PARPBP: variants seen among roughly 807,000 people sequenced by gnomAD.
The protein encoded by PARPBP is PARP1 binding protein, also known as PCNA-interacting partner.
Under a neutral mutation model 50.0 loss-of-function variants are expected in PARPBP, and 52 were observed. The ratio of observed to expected loss-of-function variants is 1.04; its 90% confidence interval spans 0.83 to 1.31. The LOEUF is 1.31. PARPBP is among the 50% of genes most tolerant of loss of function. The pLI, the probability that PARPBP is intolerant of heterozygous loss-of-function variation, is 0.00. For synonymous variants in PARPBP, 244 were observed against 232.1 expected, an observed-to-expected ratio of 1.05 and a Z score of -0.47; for missense variants, 697 against 672.0, an observed-to-expected ratio of 1.04 and a Z score of -0.41.
intron 6 of PARPBP, among the ~76,000 whole-genome samples, chr12:102,166,570 C>T (rs1275518557): frequency 3.3e-5 from 5 of 152,114 alleles, no homozygotes; most frequent in Non-Finnish European, 7.4e-5. Flanking sequence ...CTCAGATTAT[C>T]ATTTGATCAT....
At chr12:102,177,839 C>T (rs772034929) in intron 7 of PARPBP, among the ~76,000 whole-genome samples, 15 of 152,172 alleles carry the variant, frequency 9.9e-5, no homozygotes, top group Non-Finnish European at 1.9e-4. Flanking sequence ...CACTTCCTCC[C>T]TTTTACCTTA....
At chr12:102,149,959 A>T (rs1007420790) in intron 3 of PARPBP, among the ~76,000 whole-genome samples, 2 of 152,242 alleles carry the variant, frequency 1.3e-5, no homozygotes, top group African/African-American at 4.8e-5. Flanking sequence ...AGGACAACAA[A>T]GATCTTAAAA....
intron 3 of PARPBP, 103 bp from the exon 4 acceptor site, chr12:102,153,766 A>G: frequency 3.1e-6 from 2 of 652,456 alleles, no homozygotes; most frequent in Non-Finnish European, 5.6e-6. Flanking sequence ...CTGTCAGGTA[A>G]TACTCTCAAC....
At chr12:102,170,342 A>G (rs1238590523) in intron 6 of PARPBP, among the ~76,000 whole-genome samples, 3 of 152,252 alleles carry the variant, frequency 2.0e-5, no homozygotes, top group Admixed American at 1.3e-4. Context: ...CAAACATCAT[A>G]GACTGTACAT....
rs1250189607 is a variant in PARPBP at position 102,178,587 on chromosome 12, C to T, written c.1006-5C>T. Reference sequence around the variant, plus strand: ...ACATTTACCTAAAATTATTTTTTGTCTCAGCCAAAATCTCATGCCATAAAC... The same window carrying T: ...ACATTTACCTAAAATTATTTTTTGTTTCAGCCAAAATCTCATGCCATAAAC... On this transcript the variant is annotated splice_region_variant and splice_polypyrimidine_tract_variant and intron_variant, in intron 7 of 10. Coordinates refer to ENST00000327680, the MANE Select transcript of PARPBP (RefSeq NM_017915.5). 1.3e-6 allele frequency: 2 copies of T among 1,552,324 alleles called. No individual in the cohort carries two copies. Among genetic ancestry groups the T allele is most frequent in the Admixed American group, 2.0e-5 (1 of 51,244 alleles).
chr12:102,162,173 T>C (rs1429222371), intron 4 of PARPBP, among the ~76,000 whole-genome samples: 4 of 152,222 alleles, frequency 2.6e-5, no homozygotes, highest in Non-Finnish European at 5.9e-5. Flanking sequence ...GGATTTGTAA[T>C]TTTTTATTGC....
At chr12:102,143,479 C>T (rs1468163702) in intron 2 of PARPBP, among the ~76,000 whole-genome samples, 1 of 152,188 alleles carries the variant, frequency 6.6e-6, no homozygotes. Flanking sequence ...GCTCTGTGCG[C>T]TGCACCCACT....
At chr12:102,156,577 T>A (rs947754236) in intron 4 of PARPBP, among the ~76,000 whole-genome samples, 7 of 152,152 alleles carry the variant, frequency 4.6e-5, no homozygotes, top group Non-Finnish European at 8.8e-5. Flanking sequence ...AGATGAGAAT[T>A]TAAGAGTGTT....
rs1272655752 is a variant in PARPBP, at chr12:102,160,958, A to AT, written c.496-3480_496-3479insT. The stretch of plus-strand genomic sequence containing the variant: ...AGGGAAACATCATCTCAAAAAAAAA[A>AT]AATATATATATAATCAGAAAACTAT... On this transcript the variant is annotated intron_variant, in intron 4 of 10. Coordinates refer to ENST00000327680, the MANE Select transcript of PARPBP (RefSeq NM_017915.5). 7.4e-4 allele frequency among the ~76,000 whole-genome samples: 112 copies of AT among 150,492 alleles called. 1 individual carries two copies. The highest frequency in any genetic ancestry group is 2.4e-3 in the African/African-American group (100 of 41,020).
chr12:102,145,654 A>G lies in PARPBP; in HGVS notation c.154-2576A>G, dbSNP rs530987210. On this transcript the variant is annotated intron_variant, in intron 2 of 10. Transcript: ENST00000327680. ...GGTAACATTAGTGGATCTCTAAGCA[A>G]CTATATGTCACTGTAGCCAGGTTAT... Among the ~76,000 whole-genome samples, 12 of 152,302 alleles carry G rather than the reference A, an allele frequency of 7.9e-5. No individual in the cohort carries two copies. The East Asian group carries it at 2.1e-3, about 27-fold the overall frequency.
At position 102,165,711 on chromosome 12, in the gene PARPBP, G is replaced by GT; in HGVS notation, c.667-15dup. ...ATAAATCACTGGACATAACTTATCC[G>GT]TTTGTTTTAATTCATAGGTGGCCAC... On this transcript the variant is annotated splice_polypyrimidine_tract_variant and intron_variant, in intron 5 of 10. Transcript: ENST00000327680. 1.3e-6 allele frequency: 2 copies of GT among 1,581,982 alleles called. No individual in the cohort carries two copies. The highest frequency in any genetic ancestry group is 1.2e-5 in the South Asian group (1 of 86,492).
At chr12:102,124,348 TA>T (rs1365936250) in intron 2 of PARPBP, among the ~76,000 whole-genome samples, 2 of 152,238 alleles carry the variant, frequency 1.3e-5, no homozygotes, top group Non-Finnish European at 2.9e-5. Flanking sequence ...TTTTATTTAA[TA>T]AGACTTTTTT....
At position 102,148,452 on chromosome 12, in the gene PARPBP, A is replaced by C. The variant is rs1885729438; in HGVS notation, c.376A>C (p.Thr126Pro). 7.7e-7 allele frequency: 1 copy of C among 1,295,924 alleles called. No individual in the cohort carries two copies. Among genetic ancestry groups the C allele is most frequent in the Admixed American group, 1.8e-5 (1 of 56,086 alleles). 80.3% of individuals were successfully genotyped at this position (1,295,924 alleles called of 1,614,324 possible). A position where few individuals can be genotyped will look rare whatever the true frequency, so the allele number is the denominator to read the frequency against. ...GACTTCTAATTGTGAAAATTATAAC[A>C]CAGTATCTCCTGTAAGTATTTTTTA... Reference protein sequence around the residue: ...ALTSNCENYNTVSPSQLLDFL... With the variant: ...ALTSNCENYNPVSPSQLLDFL... Residue 126 changes from threonine (T) to proline (P), a missense_variant, in exon 3 of 11, where the codon ACA becomes CCA. Physicochemically the swap from Thr to Pro is conservative, Grantham distance 38. Coordinates refer to ENST00000327680, the MANE Select transcript of PARPBP (RefSeq NM_017915.5).
chr12:102,178,593 C>A lies in PARPBP; in HGVS notation c.1007C>A (p.Pro336Gln). 6.4e-7 allele frequency: 1 copy of A among 1,564,636 alleles called. No homozygotes were observed. Among genetic ancestry groups the A allele is most frequent in the Non-Finnish European group, 8.7e-7 (1 of 1,155,400 alleles). ...ACCTAAAATTATTTTTTGTCTCAGC[C>A]AAAATCTCATGCCATAAACCATGGT... ...LSTTDISPARPKSHAINHGTA... is the reference protein window; with the variant it reads ...LSTTDISPARQKSHAINHGTA... The change falls in exon 8 of 11, where the codon CCA becomes CAA. Residue 336 changes from proline to glutamine, a missense_variant and splice_region_variant. Transcript: ENST00000327680.
intron 4 of PARPBP, among the ~76,000 whole-genome samples, chr12:102,159,101 T>C (rs1025114007): frequency 2.0e-5 from 3 of 152,194 alleles, no homozygotes; most frequent in African/African-American, 7.2e-5. Context: ...CTAATTTTTC[T>C]TTTTACAAGG....
At chr12:102,131,946 G>A (rs975692990) in intron 2 of PARPBP, among the ~76,000 whole-genome samples, 13 of 148,132 alleles carry the variant, frequency 8.8e-5, no homozygotes, top group African/African-American at 2.4e-4. Flanking sequence ...GCTAATGCCT[G>A]TAATCCCAGC....
intron 4 of PARPBP, among the ~76,000 whole-genome samples, chr12:102,160,324 T>A (rs964666452): frequency 1.3e-5 from 2 of 152,220 alleles, no homozygotes; most frequent in African/African-American, 2.4e-5. Flanking sequence ...AAGTTGTAGA[T>A]GTGAGAGCTT....
At chr12:102,134,824 G>C (rs986275686) in intron 2 of PARPBP, among the ~76,000 whole-genome samples, 1 of 151,974 alleles carries the variant, frequency 6.6e-6, no homozygotes, top group Non-Finnish European at 1.5e-5. Flanking sequence ...CTACAGGTAC[G>C]TACCACCATG....
In PARPBP at chr12:102,181,593, G is replaced by T. The variant is rs372047338; in HGVS notation, c.1185-956G>T. 5.3e-5 allele frequency among the ~76,000 whole-genome samples: 8 copies of T among 152,246 alleles called. No individual in the cohort carries two copies. The East Asian group carries it at 9.6e-4, about 18-fold the overall frequency. On this transcript the variant is annotated intron_variant, in intron 8 of 10. Coordinates refer to ENST00000327680, the MANE Select transcript of PARPBP (RefSeq NM_017915.5). ...ATCACTGTCAAATATGTGGTATGTT[G>T]TTGACCAAAATGTTGTTATGCAGCA...
Sources: allele counts gnomAD v4.1 joint callset (sites outside exome capture counted in the v4.1 genomes callset), GRCh38; gene constraint gnomAD v4.1.1; transcripts MANE v1.5; gene names NCBI Gene and HGNC (gene_info 2026-07-23, HGNC 2026-07-21).